Variants in NDE1 observed in about 807,000 individuals in gnomAD.
NDE1 encodes the protein nudE neurodevelopment protein 1, also known as nuclear distribution protein nudE homolog 1.
In NDE1, 28 loss-of-function variants were observed where a neutral mutation model predicts 43.4. The ratio of observed to expected loss-of-function variants is 0.65; its 90% confidence interval spans 0.48 to 0.89. NDE1 has a LOEUF of 0.89. Ranked by LOEUF, NDE1 falls within the 40% of genes least tolerant of loss-of-function variation. The pLI is 0.00. For synonymous variants in NDE1, 184 were observed against 172.0 expected, an observed-to-expected ratio of 1.07 and a Z score of -0.55; for missense variants, 441 against 434.1, an observed-to-expected ratio of 1.02 and a Z score of -0.14.
chr16:15,689,856 C>G (rs1447187051), intron 5 of NDE1, among the ~76,000 whole-genome samples: 1 of 82,082 alleles, frequency 1.2e-5, no homozygotes, highest in Non-Finnish European at 2.2e-5. Context: ...AGGAGAATCA[C>G]TTGAACCCGG....
At chr16:15,684,272 G>A (rs999626882) in intron 4 of NDE1, 1 of 151,426 alleles carries the variant, frequency 6.6e-6, no homozygotes, top group Non-Finnish European at 1.5e-5. Context: ...TAAACCCAGG[G>A]TGTCGAGGTT....
intron 7 of NDE1, 107 bp from the exon 8 acceptor site, chr16:15,696,602 C>G (rs146362717): frequency 3.8e-6 from 6 of 1,593,460 alleles, no homozygotes; most frequent in Non-Finnish European, 3.4e-6. Flanking sequence ...TTCCAGTGCA[C>G]AACAGTTTGA....
rs1000224556 is a variant in NDE1, at chr16:15,697,172, A to G, written c.947+312A>G. The stretch of plus-strand genomic sequence containing the variant: ...ATCCTCCCACCTCAGTCCCCCGAGT[A>G]GCTGGGAGTACAGGTGCGTGTCACC... On this transcript the variant is annotated intron_variant, in intron 8 of 8. Coordinates refer to ENST00000396354, the MANE Select transcript of NDE1 (RefSeq NM_017668.3). The G allele has an allele frequency of 6.8e-6, 4 of 587,302 alleles. No individual in the cohort carries two copies. The South Asian group carries it at 3.0e-4, about 44-fold the overall frequency. The allele number at this position is 587,302 out of a possible 1,614,324, so 36.4% of individuals were successfully genotyped here. A position where few individuals can be genotyped will look rare whatever the true frequency, so the allele number is the denominator to read the frequency against.
At chr16:15,697,767 CA>C (rs2039079048) in intron 8 of NDE1, among the ~76,000 whole-genome samples, 1 of 151,224 alleles carries the variant, frequency 6.6e-6, no homozygotes, top group South Asian at 2.1e-4. Context: ...GGGAATTGAG[CA>C]TCAGTCATGG....
chr16:15,697,204 G>T, intron 8 of NDE1: 2 of 381,648 alleles, frequency 5.2e-6, no homozygotes, highest in Non-Finnish European at 7.2e-6. Flanking sequence ...CACCGTGCTC[G>T]GCTAATTTTT....
intron 8 of NDE1, chr16:15,708,840 C>T (rs1361564509): frequency 3.7e-6 from 6 of 1,609,936 alleles, no homozygotes; most frequent in Non-Finnish European, 4.2e-6. Flanking sequence ...GGGGGGGGCC[C>T]TCTGAAACAG....
intron 6 of NDE1, 55 bp downstream of exon 6, chr16:15,691,378 A>AG (rs1193211911): frequency 5.9e-5 from 94 of 1,581,528 alleles, no homozygotes; most frequent in Middle Eastern, 3.3e-4. Flanking sequence ...TTTCTGGGTA[A>AG]GAATCTGGGG....
At position 15,691,128 on chromosome 16, in the gene NDE1, C is replaced by T; in HGVS notation, c.524-16C>T. 1.9e-6 allele frequency: 3 copies of T among 1,614,034 alleles called. No homozygotes were observed. The highest frequency in any genetic ancestry group is 1.7e-5 in the Admixed American group (1 of 59,988). ...TGGCTGAGGACTTGAATTCCTGAAT[C>T]CTTTTTCTGGCACAGATTTGCGGCA... On this transcript the variant is annotated splice_polypyrimidine_tract_variant and intron_variant, in intron 5 of 8. Coordinates refer to ENST00000396354, the MANE Select transcript of NDE1 (RefSeq NM_017668.3).
chr16:15,695,767 A>G, intron 7 of NDE1: 3 of 935,510 alleles, frequency 3.2e-6, no homozygotes, highest in Non-Finnish European at 3.8e-6. Context: ...CTGGTTTGCT[A>G]TTCTAGAAGC....
In NDE1 at chr16:15,703,733, T is replaced by C. The variant is rs1423814204; in HGVS notation, c.947+6873T>C. The C allele has an allele frequency of 4.9e-5, 24 of 494,530 alleles. No homozygotes were observed. In the Admixed American group the frequency reaches 7.0e-4, roughly 14 times the overall value. 30.6% of individuals were successfully genotyped at this position (494,530 alleles called of 1,614,324 possible). ...CCTCCCTAGTAGCTGGGACCACAGG[T>C]GTGTACCACCACGCCCAGCTTATTT... On this transcript the variant is annotated intron_variant, in intron 8 of 8. Transcript: ENST00000396354.
chr16:15,707,959 C>CA (rs59081092), intron 8 of NDE1, among the ~76,000 whole-genome samples: 220 of 115,926 alleles, frequency 1.9e-3, no homozygotes, highest in East Asian at 3.8e-3. Context: ...GACTCCGTCT[C>CA]AAAAAAAAAA....
intron 6 of NDE1, among the ~76,000 whole-genome samples, chr16:15,693,053 T>C (rs1299599948): frequency 6.7e-6 from 1 of 150,044 alleles, no homozygotes; most frequent in East Asian, 2.0e-4. Context: ...CAGGCTGGAG[T>C]GCAGCGGCAT....
At chr16:15,658,229 A>G (rs1054691538) in intron 1 of NDE1, among the ~76,000 whole-genome samples, 9 of 152,134 alleles carry the variant, frequency 5.9e-5, no homozygotes, top group Non-Finnish European at 8.8e-5. Flanking sequence ...TACCAACCCT[A>G]GTGGAAAGAG....
chr16:15,705,064 C>T (rs893806861), intron 8 of NDE1, among the ~76,000 whole-genome samples: 4 of 152,214 alleles, frequency 2.6e-5, no homozygotes, highest in Non-Finnish European at 5.9e-5. Flanking sequence ...ACTGCAACCT[C>T]TGCCTCCTGA....
chr16:15,687,656 C>T, intron 5 of NDE1, 145 bp downstream of exon 5: 4 of 814,228 alleles, frequency 4.9e-6, no homozygotes, highest in Non-Finnish European at 8.3e-6. Context: ...GGGTGTCGGA[C>T]TGCACTGGGC....
intron 4 of NDE1, among the ~76,000 whole-genome samples, chr16:15,681,174 A>G (rs1253915110): frequency 1.4e-5 from 2 of 140,502 alleles, no homozygotes; most frequent in East Asian, 2.1e-4. Flanking sequence ...TTTTGTATCT[A>G]GTATAAGATA....
intron 2 of NDE1, among the ~76,000 whole-genome samples, chr16:15,665,283 A>G (rs1189020573): frequency 2.0e-5 from 3 of 152,102 alleles, no homozygotes; most frequent in Non-Finnish European, 4.4e-5. Context: ...TGAAAAAACT[A>G]TTAGCACCCC....
chr16:15,681,253 C>CCTTTTTTTTTTT (rs2038162620), intron 4 of NDE1, among the ~76,000 whole-genome samples: 1 of 31,428 alleles, frequency 3.2e-5, no homozygotes, highest in Non-Finnish European at 5.4e-5. Context: ...TAAACACTGC[C>CCTTTTTTTTTTT]TTTTTTTTTT....
rs1349895826 is a variant in NDE1, at chr16:15,667,318, T to C, written c.116T>C (p.Phe39Ser). Reference protein sequence around the residue: ...AENTQEELREFQEGSREYEAE... With the variant: ...AENTQEELRESQEGSREYEAE... ...AATACGCAAGAGGAACTCCGAGAATTCCAGGAGGGAAGCCGAGAATATGAA... is the reference window on the plus strand; with the variant it reads ...AATACGCAAGAGGAACTCCGAGAATCCCAGGAGGGAAGCCGAGAATATGAA... The change falls in exon 3 of 9, where the codon TTC becomes TCC. Residue 39 changes from phenylalanine (F) to serine (S), a missense_variant. By Grantham distance (155) the Phe-to-Ser change is radical (BLOSUM62 -2). Coordinates refer to ENST00000396354, the MANE Select transcript of NDE1 (RefSeq NM_017668.3). 2 of 1,613,964 alleles carry C rather than the reference T, an allele frequency of 1.2e-6. No individual in the cohort carries two copies. The highest frequency in any genetic ancestry group is 1.7e-6 in the Non-Finnish European group (2 of 1,180,020).
Sources: allele counts gnomAD v4.1 joint callset (sites outside exome capture counted in the v4.1 genomes callset), GRCh38; gene constraint gnomAD v4.1.1; transcripts MANE v1.5; gene names NCBI Gene and HGNC (gene_info 2026-07-23, HGNC 2026-07-21).